The following SLC2A9 variants were observed in gnomAD, a reference collection of about 807,000 sequenced individuals.
SLC2A9 encodes the protein solute carrier family 2, facilitated glucose transporter member 9.
SLC2A9 carries 39 observed loss-of-function variants against 50.6 expected under a neutral mutation model. That is an observed-to-expected ratio of 0.77 (90% CI 0.60 to 1.01). The LOEUF is 1.01. SLC2A9 is among the 50% of genes least tolerant of loss of function. The probability of loss-of-function intolerance (pLI) is 0.00; values close to 1 mark genes in which losing one functional copy is unlikely to be tolerated. For missense variants in SLC2A9, 686 were observed against 677.6 expected, an observed-to-expected ratio of 1.01 and a Z score of -0.14; for synonymous variants, 324 against 276.9, an observed-to-expected ratio of 1.17 and a Z score of -1.69.
chr4:10,018,398 C>A (rs1762966497), intron 2 of SLC2A9, among the ~76,000 whole-genome samples: 1 of 152,042 alleles, frequency 6.6e-6, no homozygotes, highest in Non-Finnish European at 1.5e-5. Context: ...AAAAATTAGT[C>A]GGGTGTGGTG....
intron 3 of SLC2A9, among the ~76,000 whole-genome samples, chr4:9,989,015 A>C (rs77223742): frequency 0.029 from 4,359 of 152,312 alleles, 211 homozygotes; most frequent in African/African-American, 0.1. Context: ...CTATGGAAAT[A>C]ATGTATCTCT....
At chr4:10,019,992 AG>A (rs566771371) in intron 1 of SLC2A9, among the ~76,000 whole-genome samples, 58 of 152,112 alleles carry the variant, frequency 3.8e-4, no homozygotes, top group Non-Finnish European at 7.4e-4. Context: ...GACAGGGGCC[AG>A]GTGCTCCGGA....
intron 6 of SLC2A9, among the ~76,000 whole-genome samples, chr4:9,928,704 C>T (rs967345120): frequency 8.6e-5 from 13 of 152,012 alleles, no homozygotes; most frequent in Non-Finnish European, 1.5e-4. Context: ...ACTGCACTCC[C>T]GCCTGGGTGA....
intron 10 of SLC2A9, among the ~76,000 whole-genome samples, chr4:9,853,783 A>T (rs564614376): frequency 3.3e-5 from 5 of 151,024 alleles, no homozygotes; most frequent in Admixed American, 6.6e-5. Flanking sequence ...AAATAAAATT[A>T]TACCAACCAC....
At chr4:9,895,757 A>C (rs961701436) in intron 8 of SLC2A9, among the ~76,000 whole-genome samples, 1 of 152,350 alleles carries the variant, frequency 6.6e-6, no homozygotes, top group East Asian at 1.9e-4. Flanking sequence ...TGTTTTGACA[A>C]ATGTATATAC....
intron 3 of SLC2A9, chr4:9,782,553 C>T (rs200733038): frequency 3.7e-6 from 6 of 1,613,960 alleles, no homozygotes; most frequent in Admixed American, 3.3e-5. Context: ...TCCTTCATTC[C>T]GGTCCAGCTC....
upstream of SLC2A9, among the ~76,000 whole-genome samples, chr4:10,022,517 G>A (rs983841388): frequency 6.6e-6 from 1 of 152,206 alleles, no homozygotes. Flanking sequence ...TCATCACATG[G>A]CCATGTTGCC....
chr4:9,876,567 G>A (rs1734353654), intron 10 of SLC2A9, among the ~76,000 whole-genome samples: 1 of 151,996 alleles, frequency 6.6e-6, no homozygotes, highest in Admixed American at 6.6e-5. Flanking sequence ...CTTCAGCCTG[G>A]GTGACAGAGC....
At chr4:9,915,326 C>T (rs1213208458) in intron 7 of SLC2A9, among the ~76,000 whole-genome samples, 1 of 152,236 alleles carries the variant, frequency 6.6e-6, no homozygotes, top group Non-Finnish European at 1.5e-5. Flanking sequence ...CAACCTCTGC[C>T]TCCTGGGTTC....
chr4:10,003,778 T>C (rs943823067), intron 2 of SLC2A9, among the ~76,000 whole-genome samples: 1 of 152,224 alleles, frequency 6.6e-6, no homozygotes, highest in African/African-American at 2.4e-5. Flanking sequence ...GGTGCTTAAA[T>C]AAGAATTCGT....
chr4:9,947,065 T>C (rs1266070067), intron 5 of SLC2A9, among the ~76,000 whole-genome samples: 1 of 152,174 alleles, frequency 6.6e-6, no homozygotes, highest in Non-Finnish European at 1.5e-5. Context: ...TCTCTATTTC[T>C]CTCCTCCTTC....
In SLC2A9 at chr4:9,839,025, C is replaced by T. The variant is rs528087926; in HGVS notation, c.1292-4017G>A. Among the ~76,000 whole-genome samples, 4 of 152,218 alleles carry T rather than the reference C, an allele frequency of 2.6e-5. No individual in the cohort carries two copies. The East Asian group carries it at 7.7e-4, about 29-fold the overall frequency. On this transcript the variant is annotated intron_variant, in intron 10 of 11. Transcript: ENST00000264784. Reference sequence around the variant, plus strand: ...AATGGGATCCAATTAAACTAAAGAGCTTTTGCACAACAAAAGAAACTATCA... The same window carrying T: ...AATGGGATCCAATTAAACTAAAGAGTTTTTGCACAACAAAAGAAACTATCA...
chr4:10,002,079 G>A (rs1759931203), intron 2 of SLC2A9, among the ~76,000 whole-genome samples: 1 of 152,236 alleles, frequency 6.6e-6, no homozygotes, highest in South Asian at 2.1e-4. Flanking sequence ...TTTGGGGGCA[G>A]CAGCAGGGGA....
chr4:9,829,703 GAC>G (rs1486397094), intron 11 of SLC2A9, among the ~76,000 whole-genome samples: 1 of 151,816 alleles, frequency 6.6e-6, no homozygotes, highest in Non-Finnish European at 1.5e-5. Context: ...GTGGGCAAAG[GAC>G]ACACACAGAT....
intron 5 of SLC2A9, among the ~76,000 whole-genome samples, chr4:9,942,352 G>C (rs543197417): frequency 6.6e-6 from 1 of 152,312 alleles, no homozygotes; most frequent in South Asian, 2.1e-4. Flanking sequence ...CCCACTCCCT[G>C]GGGAACCATG....
At chr4:9,901,346 G>T (rs1739577643) in intron 8 of SLC2A9, among the ~76,000 whole-genome samples, 1 of 152,142 alleles carries the variant, frequency 6.6e-6, no homozygotes, top group Admixed American at 6.5e-5. Context: ...CAATGAAAAA[G>T]GAATGTCTGT....
intron 10 of SLC2A9, among the ~76,000 whole-genome samples, chr4:9,855,409 G>A (rs1346108673): frequency 6.6e-6 from 1 of 152,106 alleles, no homozygotes; most frequent in Admixed American, 6.6e-5. Flanking sequence ...GAGCTAACCA[G>A]GGAGGCGAAA....
chr4:9,830,242 C>T (rs1725859550), intron 11 of SLC2A9, among the ~76,000 whole-genome samples: 1 of 152,160 alleles, frequency 6.6e-6, no homozygotes, highest in South Asian at 2.1e-4. Context: ...AAGCTGTTAC[C>T]CTCAGAAAAC....
chr4:9,860,234 T>C (rs2109386765), intron 10 of SLC2A9, among the ~76,000 whole-genome samples: 1 of 152,270 alleles, frequency 6.6e-6, no homozygotes, highest in African/African-American at 2.4e-5. Context: ...TCACTGCACA[T>C]CACTACCTCT....
Sources: gnomAD v4.1 joint callset for allele counts (sites outside exome capture counted in the v4.1 genomes callset) on GRCh38, gnomAD v4.1.1 for gene constraint, MANE v1.5 for transcripts, NCBI Gene and HGNC (gene_info 2026-07-23, HGNC 2026-07-21) for gene names.